CPPED1: variants seen among roughly 807,000 people sequenced by gnomAD.
CPPED1 encodes serine/threonine-protein phosphatase CPPED1.
A neutral mutation model predicts 28.0 loss-of-function variants in CPPED1; 28 were observed. That is an observed-to-expected ratio of 1.00 (90% CI 0.74 to 1.37). CPPED1 has a LOEUF of 1.37. CPPED1 is among the 40% of genes most tolerant of loss of function. The probability of loss-of-function intolerance (pLI) is 0.00; values close to 1 mark genes in which losing one functional copy is unlikely to be tolerated. For synonymous variants in CPPED1, 198 were observed against 180.2 expected, an observed-to-expected ratio of 1.10 and a Z score of -0.79; for missense variants, 504 against 416.5, an observed-to-expected ratio of 1.21 and a Z score of -1.83.
In CPPED1 at chr16:12,734,766, CAG is replaced by C. The variant is rs373374187; in HGVS notation, c.290-29719_290-29718del. On this transcript the variant is annotated intron_variant, in intron 2 of 3. Transcript: ENST00000381774. Reference sequence around the variant, plus strand: ...ACAGGGTTCCCATGGCATCACTCATCAGAGAGATGAGTCCTCTCATGGTCTCC... The same window carrying C: ...ACAGGGTTCCCATGGCATCACTCATCAGAGATGAGTCCTCTCATGGTCTCC... Among the ~76,000 whole-genome samples the C allele has an allele frequency of 5.7e-3, 864 of 152,284 alleles. 5 individuals carry two copies. The highest frequency in any genetic ancestry group is 0.031 in the Middle Eastern group (9 of 294).
intron 2 of CPPED1, among the ~76,000 whole-genome samples, chr16:12,756,668 C>T (rs377557316): frequency 1.2e-4 from 18 of 152,116 alleles, no homozygotes; most frequent in African/African-American, 4.3e-4. Context: ...GATACCACTG[C>T]ACCCCAGCCT....
At chr16:12,698,889 T>C (rs370329672) in intron 3 of CPPED1, among the ~76,000 whole-genome samples, 25 of 152,344 alleles carry the variant, frequency 1.6e-4, no homozygotes, top group East Asian at 1.3e-3. Context: ...TTTTCATAAT[T>C]GCCAAATTTG....
intron 1 of CPPED1, among the ~76,000 whole-genome samples, chr16:12,785,246 G>A (rs2080555701): frequency 6.6e-6 from 1 of 151,818 alleles, no homozygotes; most frequent in African/African-American, 2.4e-5. Flanking sequence ...AAAGTGAATT[G>A]TGTTTTTTTA....
chr16:12,671,708 C>T (rs2079853595), intron 3 of CPPED1, among the ~76,000 whole-genome samples: 1 of 152,062 alleles, frequency 6.6e-6, no homozygotes, highest in South Asian at 2.1e-4. Context: ...GAAGGTGGTC[C>T]CATAAGATTA....
intron 3 of CPPED1, among the ~76,000 whole-genome samples, chr16:12,684,290 C>T (rs2079921301): frequency 6.6e-6 from 1 of 152,174 alleles, no homozygotes; most frequent in Admixed American, 6.5e-5. Flanking sequence ...GTTGGAGGAT[C>T]ACCTAAGCCC....
chr16:12,702,296 G>T (rs1477183180), intron 3 of CPPED1, among the ~76,000 whole-genome samples: 1 of 151,866 alleles, frequency 6.6e-6, no homozygotes, highest in Non-Finnish European at 1.5e-5. Flanking sequence ...AACTCTTCGG[G>T]GGGCCAAGGC....
At chr16:12,796,880 G>A (rs544863753) in intron 1 of CPPED1, among the ~76,000 whole-genome samples, 7 of 152,164 alleles carry the variant, frequency 4.6e-5, no homozygotes, top group East Asian at 1.9e-4. Context: ...ATAGGTGGTC[G>A]GATAAACAAA....
At position 12,803,720 on chromosome 16, in the gene CPPED1, G is replaced by A. The variant is rs1438960662; in HGVS notation, c.57C>T (p.Ala19=). ...GGCGGGCAGTACCTGCGGGAAACGC[G>A]GCCAGGGTCCTGCCCCTGGCTCTGT... The part of the protein sequence containing the change: ...VFHRARGRTL[A]AFPAEKESEW... Residue 19 remains alanine, a synonymous_variant, in exon 1 of 4, where the codon GCC becomes GCT. Transcript: ENST00000381774. 3.8e-6 allele frequency: 6 copies of A among 1,581,048 alleles called. No individual in the cohort carries two copies. In the African/African-American group the frequency reaches 4.1e-5, roughly 11 times the overall value.
chr16:12,688,330 ATT>A (rs762320027), intron 3 of CPPED1, among the ~76,000 whole-genome samples: 21,975 of 130,058 alleles, frequency 0.17, 2,596 homozygotes, highest in African/African-American at 0.38. Flanking sequence ...CTACTCCAGG[ATT>A]TTTTTTTTTT....
At chr16:12,765,337 T>G (rs566776311) in intron 2 of CPPED1, among the ~76,000 whole-genome samples, 1 of 152,384 alleles carries the variant, frequency 6.6e-6, no homozygotes, top group East Asian at 1.9e-4. Flanking sequence ...AAGATTCATT[T>G]AATTTTGCAG....
Position 12,699,524 on chromosome 16 carries a change from A to G in CPPED1, c.715+5100T>C, listed in dbSNP as rs150076667. Among the ~76,000 whole-genome samples the G allele has an allele frequency of 2.1e-4, 32 of 152,300 alleles. No homozygotes were observed. In the Middle Eastern group the frequency reaches 0.014, roughly 65 times the overall value. On this transcript the variant is annotated intron_variant, in intron 3 of 3. Transcript: ENST00000381774. ...TTAAAAATTAATGCAACAATGAGAG[A>G]TGATTGTTGATGCTCATTATTAAAT...
intron 1 of CPPED1, among the ~76,000 whole-genome samples, chr16:12,782,214 G>A (rs1481955549): frequency 2.0e-5 from 3 of 152,156 alleles, no homozygotes; most frequent in Non-Finnish European, 4.4e-5. Flanking sequence ...GGCAGAGCTG[G>A]AATGGCCATT....
At chr16:12,748,288 T>A (rs948645395) in intron 2 of CPPED1, among the ~76,000 whole-genome samples, 3 of 152,052 alleles carry the variant, frequency 2.0e-5, no homozygotes, top group Admixed American at 2.0e-4. Flanking sequence ...TGAAAATAAA[T>A]GAACTAGAAT....
In CPPED1 at chr16:12,803,856, C is replaced by G. The variant is rs912717618; in HGVS notation, c.-80G>C. 1 of 1,363,664 alleles carries G rather than the reference C, an allele frequency of 7.3e-7. No individual in the cohort carries two copies. Among genetic ancestry groups the G allele is most frequent in the Non-Finnish European group, 9.9e-7 (1 of 1,005,912 alleles). 84.5% of individuals were successfully genotyped at this position (1,363,664 alleles called of 1,614,324 possible). A position where few individuals can be genotyped will look rare whatever the true frequency, so the allele number is the denominator to read the frequency against. ...ACTTCACACAGAACAACCGCTGGAC[C>G]TGTCCCGCTTTGGGCGACGCCCTTT... is the stretch of plus-strand genomic sequence containing the variant. On this transcript the variant is annotated 5_prime_UTR_variant, in exon 1 of 4. Coordinates refer to ENST00000381774, the MANE Select transcript of CPPED1 (RefSeq NM_018340.3).
chr16:12,664,529 T>A lies in CPPED1; in HGVS notation c.*357A>T. 1 of 1,073,366 alleles carries A rather than the reference T, an allele frequency of 9.3e-7. No homozygotes were observed. Among genetic ancestry groups the A allele is most frequent in the Non-Finnish European group, 1.1e-6 (1 of 886,340 alleles). The allele number at this position is 1,073,366 out of a possible 1,614,324, so 66.5% of individuals were successfully genotyped here. ...CAAAGATCATACTTGGCTGTCAGAT[T>A]GGAATTGAGGTCGATAGGCAGACTT... On this transcript the variant is annotated 3_prime_UTR_variant, in exon 4 of 4. Coordinates refer to ENST00000381774, the MANE Select transcript of CPPED1 (RefSeq NM_018340.3). This position sits in a 1 kb window ranked among gnomAD's most constrained non-coding sequence, Gnocchi z 4.2.
At chr16:12,801,453 G>GA (rs930629140) in intron 1 of CPPED1, among the ~76,000 whole-genome samples, 45 of 148,638 alleles carry the variant, frequency 3.0e-4, no homozygotes, top group South Asian at 8.5e-4. Flanking sequence ...TTCTTGAACT[G>GA]AAAAAAAAAA....
intron 3 of CPPED1, among the ~76,000 whole-genome samples, chr16:12,681,875 G>C (rs1025855614): frequency 1.3e-5 from 2 of 152,142 alleles, no homozygotes; most frequent in South Asian, 2.1e-4. Flanking sequence ...TCACACTCCA[G>C]GGCAAAGAGC....
At chr16:12,721,032 A>G (rs1342728531) in intron 2 of CPPED1, among the ~76,000 whole-genome samples, 1 of 152,182 alleles carries the variant, frequency 6.6e-6, no homozygotes, top group Non-Finnish European at 1.5e-5. Flanking sequence ...TCTTGGCCAC[A>G]AAGCTTTTCT....
At position 12,681,484 on chromosome 16, in the gene CPPED1, T is replaced by C. The variant is rs115389086; in HGVS notation, c.716-16369A>G. Among the ~76,000 whole-genome samples the C allele has an allele frequency of 2.4e-3, 360 of 152,302 alleles. 2 individuals are homozygous for C. The highest frequency in any genetic ancestry group is 8.2e-3 in the African/African-American group (341 of 41,564). The stretch of plus-strand genomic sequence containing the variant: ...TTACCCAGGCTCAGGTATTCTGTTA[T>C]AGCAGCACAAAACGAACTAAGACAC... On this transcript the variant is annotated intron_variant, in intron 3 of 3. Transcript: ENST00000381774.
Sources: allele counts gnomAD v4.1 joint callset (sites outside exome capture counted in the v4.1 genomes callset), GRCh38; gene constraint gnomAD v4.1.1; non-coding constraint Gnocchi (gnomAD v3.1); transcripts MANE v1.5; gene names NCBI Gene and HGNC (gene_info 2026-07-23, HGNC 2026-07-21).